The following BMPR1A variants were observed in gnomAD, a reference collection of about 807,000 sequenced individuals.
BMPR1A encodes the protein bone morphogenetic protein receptor type-1A.
A neutral mutation model predicts 66.0 loss-of-function variants in BMPR1A; 7 were observed. The ratio of observed to expected loss-of-function variants is 0.11; its 90% confidence interval spans 0.06 to 0.20. The LOEUF (loss-of-function observed/expected upper bound fraction) is 0.20, where lower values mean the gene tolerates loss of function less well. BMPR1A is among the 10% of genes least tolerant of loss of function. The probability of loss-of-function intolerance (pLI) is 1.00; values close to 1 mark genes in which losing one functional copy is unlikely to be tolerated. For missense variants in BMPR1A, 408 were observed against 669.1 expected (o/e 0.61, Z 4.31); for synonymous variants, 200 against 229.7 (o/e 0.87, Z 1.17).
At chr10:86,829,039 C>T (rs1201682593) in intron 1 of BMPR1A, among the ~76,000 whole-genome samples, 1 of 152,094 alleles carries the variant, frequency 6.6e-6, no homozygotes, top group East Asian at 1.9e-4. Context: ...GGAATTGCCA[C>T]ACCTTCACGG....
intron 3 of BMPR1A, among the ~76,000 whole-genome samples, chr10:86,880,751 C>T (rs181532120): frequency 2.5e-3 from 377 of 152,216 alleles, no homozygotes; most frequent in African/African-American, 8.4e-3. Context: ...AGTTCAAGTT[C>T]GGCAGGGAAA....
chr10:86,835,164 G>A (rs1236623404), intron 1 of BMPR1A, among the ~76,000 whole-genome samples: 1 of 151,526 alleles, frequency 6.6e-6, no homozygotes, highest in Non-Finnish European at 1.5e-5. Flanking sequence ...GAGCCTGGAA[G>A]GTCAAGGCTG....
chr10:86,850,333 C>A (rs1276004610), intron 2 of BMPR1A, among the ~76,000 whole-genome samples: 5 of 145,220 alleles, frequency 3.4e-5, no homozygotes, highest in African/African-American at 9.9e-5. Context: ...AAAAAAAAAA[C>A]AGTTCATTGC....
At chr10:86,852,940 A>G (rs1176292613) in intron 2 of BMPR1A, among the ~76,000 whole-genome samples, 2 of 152,216 alleles carry the variant, frequency 1.3e-5, no homozygotes, top group Non-Finnish European at 2.9e-5. Context: ...GAATTTTTTA[A>G]AAAAAGATAC....
In BMPR1A at chr10:86,789,563, AT is replaced by A. The variant is rs1430118835; in HGVS notation, c.-268+32646del. The stretch of plus-strand genomic sequence containing the variant: ...CGCCATCTCTGCTAGAAATACAAAA[AT>A]TAGCTGGGTGTGATGGTGGGCACCT... On this transcript the variant is annotated intron_variant, in intron 1 of 12. Coordinates refer to ENST00000372037, the MANE Select transcript of BMPR1A (RefSeq NM_004329.3). Among the ~76,000 whole-genome samples, 4 of 152,000 alleles carry A rather than the reference AT, an allele frequency of 2.6e-5. 1 individual carries two copies. The highest frequency in any genetic ancestry group is 5.9e-5 in the Non-Finnish European group (4 of 68,012).
chr10:86,779,150 G>A (rs1841398967), intron 1 of BMPR1A, among the ~76,000 whole-genome samples: 1 of 152,032 alleles, frequency 6.6e-6, no homozygotes, highest in African/African-American at 2.4e-5. Context: ...GTTATTAGAT[G>A]TCCCGTTTGT....
chr10:86,885,687 G>C (rs1843059375), intron 3 of BMPR1A, among the ~76,000 whole-genome samples: 1 of 152,126 alleles, frequency 6.6e-6, no homozygotes, highest in Non-Finnish European at 1.5e-5. Context: ...GATGCAGACT[G>C]TTGTTGCAGA....
At chr10:86,778,639 A>G (rs1423681618) in intron 1 of BMPR1A, among the ~76,000 whole-genome samples, 4 of 152,138 alleles carry the variant, frequency 2.6e-5, no homozygotes, top group Non-Finnish European at 5.9e-5. Flanking sequence ...GAAACTGTAT[A>G]TTATTGTTCA....
intron 2 of BMPR1A, among the ~76,000 whole-genome samples, chr10:86,865,468 A>G (rs575241287): frequency 3.9e-5 from 6 of 152,210 alleles, no homozygotes; most frequent in Admixed American, 2.0e-4. Flanking sequence ...CCCAAATCCT[A>G]TAAAACGGCC....
At chr10:86,773,469 T>C (rs141147356) in intron 1 of BMPR1A, among the ~76,000 whole-genome samples, 2,833 of 152,012 alleles carry the variant, frequency 0.019, 103 homozygotes, top group African/African-American at 0.065. Context: ...GGCGGGCACC[T>C]GTAATCCCAG....
intron 1 of BMPR1A, among the ~76,000 whole-genome samples, chr10:86,770,427 C>T (rs929860222): frequency 1.3e-5 from 2 of 152,066 alleles, no homozygotes; most frequent in African/African-American, 2.4e-5. Context: ...CAAAACAATA[C>T]AACAAATGGA....
chr10:86,789,610 G>A (rs1440221642), intron 1 of BMPR1A, among the ~76,000 whole-genome samples: 1 of 151,920 alleles, frequency 6.6e-6, no homozygotes, highest in African/African-American at 2.4e-5. Flanking sequence ...CTGCTTGGGA[G>A]GCTGAGGTAG....
chr10:86,920,925 G>A (rs931569327), intron 10 of BMPR1A, among the ~76,000 whole-genome samples: 23 of 143,778 alleles, frequency 1.6e-4, no homozygotes, highest in Non-Finnish European at 3.0e-4. Context: ...GCATGGTCTC[G>A]GCTCACTGCA....
At chr10:86,905,939 A>C (rs1326944613) in intron 7 of BMPR1A, among the ~76,000 whole-genome samples, 1 of 152,128 alleles carries the variant, frequency 6.6e-6, no homozygotes, top group African/African-American at 2.4e-5. Flanking sequence ...CTATATGTAC[A>C]CATATTTTTA....
intron 1 of BMPR1A, among the ~76,000 whole-genome samples, chr10:86,799,391 A>G (rs929538256): frequency 1.6e-4 from 24 of 150,752 alleles, no homozygotes; most frequent in African/African-American, 5.6e-4. Flanking sequence ...TGCTGGGCAC[A>G]CTGCAGGTGC....
At chr10:86,864,401 G>GGAAGGCT (rs1842752784) in intron 2 of BMPR1A, among the ~76,000 whole-genome samples, 2 of 152,098 alleles carry the variant, frequency 1.3e-5, no homozygotes, top group Non-Finnish European at 2.9e-5. Context: ...CCTCTGTCAC[G>GGAAGGCT]ACCTTCCGTA....
chr10:86,845,381 T>C (rs1056255778), intron 2 of BMPR1A, among the ~76,000 whole-genome samples: 6 of 152,204 alleles, frequency 3.9e-5, no homozygotes, highest in Admixed American at 1.3e-4. Flanking sequence ...GCACCAACTT[T>C]CACCTGTTGT....
At chr10:86,801,202 C>T (rs1841806715) in intron 1 of BMPR1A, among the ~76,000 whole-genome samples, 1 of 152,172 alleles carries the variant, frequency 6.6e-6, no homozygotes, top group African/African-American at 2.4e-5. Flanking sequence ...TGCAGTGGTG[C>T]TATCACGGGC....
intron 3 of BMPR1A, among the ~76,000 whole-genome samples, chr10:86,881,838 C>T (rs1564712135): frequency 6.6e-6 from 1 of 152,082 alleles, no homozygotes; most frequent in South Asian, 2.1e-4. Flanking sequence ...TTCAAGGAAA[C>T]TACTAAAGTA....
Sources: gnomAD v4.1 joint callset for allele counts (sites outside exome capture counted in the v4.1 genomes callset) on GRCh38, gnomAD v4.1.1 for gene constraint, MANE v1.5 for transcripts, NCBI Gene and HGNC (gene_info 2026-07-23, HGNC 2026-07-21) for gene names.